The following TRAPPC3L variants were observed in gnomAD, a reference collection of about 807,000 sequenced individuals.
TRAPPC3L encodes trafficking protein particle complex subunit 3L, also known as trafficking protein particle complex subunit 3-like protein.
A neutral mutation model predicts 23.7 loss-of-function variants in TRAPPC3L; 23 were observed. That is an observed-to-expected ratio of 0.97 (90% CI 0.70 to 1.37). The LOEUF (loss-of-function observed/expected upper bound fraction) is 1.37. TRAPPC3L is among the 40% of genes most tolerant of loss of function. TRAPPC3L has a pLI of 0.00. For missense variants in TRAPPC3L, 212 were observed against 216.8 expected, an observed-to-expected ratio of 0.98 and a Z score of 0.14; for synonymous variants, 81 against 77.9, an observed-to-expected ratio of 1.04 and a Z score of -0.21.
chr6:116,537,606 G>A (rs1266976730), intron 3 of TRAPPC3L, among the ~76,000 whole-genome samples: 2 of 151,998 alleles, frequency 1.3e-5, no homozygotes, highest in Non-Finnish European at 2.9e-5. Context: ...AAGAACTCTT[G>A]TTCTATTTCC....
chr6:116,519,374 T>C (rs1331232334), intron 3 of TRAPPC3L: 1 of 152,248 alleles, frequency 6.6e-6, no homozygotes. Context: ...TGATCCCAAG[T>C]GTGCTCTGGG....
intron 3 of TRAPPC3L, chr6:116,515,953 G>C (rs764951260): frequency 6.2e-7 from 1 of 1,610,060 alleles, no homozygotes; most frequent in South Asian, 1.1e-5. Context: ...ATGATGAGAC[G>C]ACAATGGTCC....
chr6:116,528,451 G>A (rs1297245207), intron 3 of TRAPPC3L, among the ~76,000 whole-genome samples: 1 of 152,214 alleles, frequency 6.6e-6, no homozygotes, highest in Non-Finnish European at 1.5e-5. Flanking sequence ...ATTCAGTGGG[G>A]AGAAACAAGC....
chr6:116,535,898 A>G (rs775393503), intron 3 of TRAPPC3L, among the ~76,000 whole-genome samples: 2 of 152,234 alleles, frequency 1.3e-5, no homozygotes, highest in Non-Finnish European at 2.9e-5. Context: ...GTGATAGCAG[A>G]TAAGTCTCAA....
chr6:116,504,154 G>T (rs1771966380), intron 3 of TRAPPC3L, among the ~76,000 whole-genome samples: 1 of 152,026 alleles, frequency 6.6e-6, no homozygotes, highest in Non-Finnish European at 1.5e-5. Context: ...AAGAAGAAAA[G>T]ACAGAATCAT....
In TRAPPC3L at chr6:116,536,053, A is replaced by G. The variant is rs369685687; in HGVS notation, c.240+4310T>C. Among the ~76,000 whole-genome samples the G allele has an allele frequency of 8.5e-5, 13 of 152,330 alleles. No individual in the cohort carries two copies. In the East Asian group the frequency reaches 1.5e-3, roughly 18 times the overall value. On this transcript the variant is annotated intron_variant, in intron 3 of 4. Transcript: ENST00000368602. ...ATATCAATGCTATTAAAGTTTTTCA[A>G]TACCATGTTATAATGCTGTTGACTT... is the stretch of plus-strand genomic sequence containing the variant.
rs536036201 is a variant in TRAPPC3L, at chr6:116,527,446, C to A, written c.240+12917G>T. On this transcript the variant is annotated intron_variant, in intron 3 of 4. Coordinates refer to ENST00000368602, the MANE Select transcript of TRAPPC3L (RefSeq NM_001139444.3). ...AGGAGAATGGCGTGAACCGGGGAGG[C>A]GGAGCTTGCAGTGAGCCGACATCGA... Among the ~76,000 whole-genome samples, 42 of 138,950 alleles carry A rather than the reference C, an allele frequency of 3.0e-4. No individual in the cohort carries two copies. In the Admixed American group the frequency reaches 3.0e-3, roughly 10 times the overall value. The allele number at this position is 138,950 out of a possible 152,430, so 91.2% of individuals were successfully genotyped here.
At chr6:116,538,694 G>A (rs1583292402) in intron 3 of TRAPPC3L, among the ~76,000 whole-genome samples, 1 of 150,878 alleles carries the variant, frequency 6.6e-6, no homozygotes, top group Non-Finnish European at 1.5e-5. Context: ...ATGCTCTACC[G>A]CCTTATTAAT....
intron 3 of TRAPPC3L, among the ~76,000 whole-genome samples, chr6:116,538,870 T>C (rs924001551): frequency 6.6e-6 from 1 of 152,090 alleles, no homozygotes; most frequent in Non-Finnish European, 1.5e-5. Flanking sequence ...TTGTTGGGAC[T>C]ACAGCTGTGC....
chr6:116,517,977 A>T (rs2115170885), intron 3 of TRAPPC3L: 1 of 152,426 alleles, frequency 6.6e-6, no homozygotes, highest in East Asian at 1.9e-4. Context: ...GTGAGCCCAA[A>T]GGGGCCGTGG....
intron 3 of TRAPPC3L, chr6:116,517,182 C>T (rs1156701476): frequency 6.6e-6 from 1 of 152,098 alleles, no homozygotes; most frequent in Non-Finnish European, 1.5e-5. Flanking sequence ...CTTCTTAGTA[C>T]TATCAGCTTG....
intron 1 of TRAPPC3L, 35 bp downstream of exon 1, chr6:116,545,436 CTG>C: frequency 6.6e-7 from 1 of 1,512,188 alleles, no homozygotes; most frequent in Non-Finnish European, 8.9e-7. Context: ...AACATTTTCT[CTG>C]AAGTAGAAAA....
chr6:116,544,105 G>C (rs1386248305), intron 1 of TRAPPC3L, among the ~76,000 whole-genome samples: 1 of 148,250 alleles, frequency 6.7e-6, no homozygotes, highest in Non-Finnish European at 1.5e-5. Flanking sequence ...AAGACAAAGT[G>C]CTGCCATGTA....
rs552479544 is a variant in TRAPPC3L at position 116,496,315 on chromosome 6, G to C, written c.*639C>G. Reference sequence around the variant, plus strand: ...TTTCATGAGAAAAGGAAGGAATTTGGTTGATGCCAGCTATATTAAAACTAA... The same window carrying C: ...TTTCATGAGAAAAGGAAGGAATTTGCTTGATGCCAGCTATATTAAAACTAA... On this transcript the variant is annotated 3_prime_UTR_variant, in exon 5 of 5. Coordinates refer to ENST00000368602, the MANE Select transcript of TRAPPC3L (RefSeq NM_001139444.3). 6.6e-6 allele frequency: 1 copy of C among 152,176 alleles called. No individual in the cohort carries two copies. The highest frequency in any genetic ancestry group is 1.9e-4 in the East Asian group (1 of 5,186). The allele number at this position is 152,176 out of a possible 1,614,324, so 9.4% of individuals were successfully genotyped here.
intron 3 of TRAPPC3L, among the ~76,000 whole-genome samples, chr6:116,525,851 G>A (rs747404471): frequency 6.6e-6 from 1 of 152,114 alleles, no homozygotes; most frequent in Non-Finnish European, 1.5e-5. Context: ...AAAACATTCT[G>A]TGCCTATATT....
At chr6:116,533,598 C>T (rs1250125069) in intron 3 of TRAPPC3L, among the ~76,000 whole-genome samples, 1 of 152,200 alleles carries the variant, frequency 6.6e-6, no homozygotes, top group Non-Finnish European at 1.5e-5. Flanking sequence ...CAGGTTGGCT[C>T]GGCTCATGCC....
At chr6:116,527,052 A>T (rs928513933) in intron 3 of TRAPPC3L, among the ~76,000 whole-genome samples, 2 of 152,084 alleles carry the variant, frequency 1.3e-5, no homozygotes, top group Non-Finnish European at 2.9e-5. Context: ...AGAAAGCAAC[A>T]CTCTTAACAT....
At chr6:116,506,474 G>A (rs34399087) in intron 3 of TRAPPC3L, among the ~76,000 whole-genome samples, 25 of 152,116 alleles carry the variant, frequency 1.6e-4, no homozygotes, top group Non-Finnish European at 3.1e-4. Context: ...CAATGATCTA[G>A]AACTAGAAAT....
At chr6:116,526,892 C>G (rs956054104) in intron 3 of TRAPPC3L, among the ~76,000 whole-genome samples, 1 of 152,114 alleles carries the variant, frequency 6.6e-6, no homozygotes, top group Non-Finnish European at 1.5e-5. Context: ...TGTGCCACTC[C>G]AAAATATTGC....
Sources: allele counts gnomAD v4.1 joint callset (sites outside exome capture counted in the v4.1 genomes callset), GRCh38; gene constraint gnomAD v4.1.1; transcripts MANE v1.5; gene names NCBI Gene and HGNC (gene_info 2026-07-23, HGNC 2026-07-21).